Variants in OSBP2 observed in about 807,000 individuals in gnomAD.
The protein encoded by OSBP2 is oxysterol-binding protein 2.
Under a neutral mutation model 96.0 loss-of-function variants are expected in OSBP2, and 66 were observed. The observed-to-expected ratio is 0.69, with a 90% CI of 0.56 to 0.84. The LOEUF (loss-of-function observed/expected upper bound fraction) is 0.84. Among genes scored for constraint, OSBP2 ranks in the 40% least tolerant of loss-of-function variants. OSBP2 has a pLI of 0.00. For missense variants in OSBP2, 1,038 were observed against 1,222.7 expected (o/e 0.85, Z 2.25); for synonymous variants, 525 against 520.9 (o/e 1.01, Z -0.11).
chr22:30,717,557 C>T (rs1403018891), intron 1 of OSBP2, among the ~76,000 whole-genome samples: 1 of 152,194 alleles, frequency 6.6e-6, no homozygotes, highest in Non-Finnish European at 1.5e-5. Flanking sequence ...TCCCTTCTCA[C>T]ATCTCTAGGC....
chr22:30,777,913 G>GA (rs376148109), intron 2 of OSBP2, among the ~76,000 whole-genome samples: 18 of 151,888 alleles, frequency 1.2e-4, no homozygotes, highest in African/African-American at 2.9e-4. Flanking sequence ...AGGAATTGGT[G>GA]AAAAAAATGA....
chr22:30,858,445 C>G (rs542243796), intron 2 of OSBP2, among the ~76,000 whole-genome samples: 11 of 152,062 alleles, frequency 7.2e-5, no homozygotes, highest in Non-Finnish European at 1.6e-4. Context: ...CGCGCCCGGC[C>G]TCACTTTGTT....
intron 1 of OSBP2, among the ~76,000 whole-genome samples, chr22:30,717,964 G>T (rs2089490116): frequency 6.6e-6 from 1 of 152,190 alleles, no homozygotes; most frequent in African/African-American, 2.4e-5. Context: ...TAAACTCTGA[G>T]GTTAAAGCAG....
upstream of OSBP2, chr22:30,694,767 G>A: frequency 5.3e-6 from 3 of 566,860 alleles, no homozygotes; most frequent in Non-Finnish European, 6.7e-6. Flanking sequence ...GGGCGCTGAC[G>A]GGCACGGAGC....
chr22:30,888,109 G>A (rs2039856912), intron 4 of OSBP2, 114 bp from the exon 5 acceptor site: 1 of 724,992 alleles, frequency 1.4e-6, no homozygotes, highest in African/African-American at 1.7e-5. Flanking sequence ...GGTGACTGAA[G>A]CAGGAGGGGA....
intron 1 of OSBP2, among the ~76,000 whole-genome samples, chr22:30,737,315 CTT>C (rs34541516): frequency 2.1e-4 from 23 of 110,390 alleles, no homozygotes; most frequent in Admixed American, 4.0e-4. Flanking sequence ...TGCGCCCGGC[CTT>C]TTTTTTTTTT....
At chr22:30,716,613 A>G (rs1299439913) in intron 1 of OSBP2, among the ~76,000 whole-genome samples, 4 of 145,656 alleles carry the variant, frequency 2.7e-5, no homozygotes, top group Admixed American at 2.7e-4. Flanking sequence ...AATTTTTTGT[A>G]TTTTTGTAGA....
intron 2 of OSBP2, among the ~76,000 whole-genome samples, chr22:30,824,092 G>A (rs1163480398): frequency 6.6e-6 from 1 of 152,204 alleles, no homozygotes; most frequent in Non-Finnish European, 1.5e-5. Context: ...GCTTGGTTGT[G>A]GAGGAATGTC....
intron 2 of OSBP2, among the ~76,000 whole-genome samples, chr22:30,825,894 G>A (rs1184384260): frequency 1.3e-5 from 2 of 152,166 alleles, no homozygotes; most frequent in African/African-American, 4.8e-5. Flanking sequence ...TGAACTTGCA[G>A]CTGACTGGGT....
Position 30,734,403 on chromosome 22 carries a change from T to A in OSBP2, c.645-6758T>A, listed in dbSNP as rs191704598. ...AATATTGCACACCTCCATAGCCTCT[T>A]GCGGGAGAGGAGTTACCACTGCAGC... is the stretch of plus-strand genomic sequence containing the variant. On this transcript the variant is annotated intron_variant, in intron 1 of 13. Transcript: ENST00000332585. 8.2e-3 allele frequency among the ~76,000 whole-genome samples: 1,253 copies of A among 152,340 alleles called. 11 individuals carry two copies. Among genetic ancestry groups the A allele is most frequent in the Middle Eastern group, 0.02 (6 of 294 alleles).
chr22:30,694,196 C>A (rs78160826), upstream of OSBP2: 39,359 of 1,549,968 alleles, frequency 0.025, 717 homozygotes, highest in African/African-American at 0.066. Context: ...AAGTCTTCCC[C>A]TATTTGTTTA....
intron 1 of OSBP2, among the ~76,000 whole-genome samples, chr22:30,697,102 C>T (rs183464400): frequency 6.6e-6 from 1 of 152,290 alleles, no homozygotes; most frequent in East Asian, 1.9e-4. Flanking sequence ...GATACCCACT[C>T]ACCTTTGAGT....
intron 2 of OSBP2, among the ~76,000 whole-genome samples, chr22:30,804,894 A>G (rs767803055): frequency 1.3e-5 from 2 of 152,174 alleles, no homozygotes; most frequent in Non-Finnish European, 2.9e-5. Flanking sequence ...CAGGGCAACT[A>G]AGCAGTAGGA....
intron 1 of OSBP2, among the ~76,000 whole-genome samples, chr22:30,708,887 G>A (rs1403014329): frequency 6.6e-6 from 1 of 151,622 alleles, no homozygotes; most frequent in Non-Finnish European, 1.5e-5. Flanking sequence ...GATCACCTGA[G>A]GTCAGGAGTT....
At chr22:30,721,305 G>A (rs1039039451) in intron 1 of OSBP2, among the ~76,000 whole-genome samples, 31 of 152,160 alleles carry the variant, frequency 2.0e-4, no homozygotes, top group African/African-American at 4.8e-4. Context: ...ATGGGAGAAA[G>A]AAGGTCACAT....
intron 2 of OSBP2, among the ~76,000 whole-genome samples, chr22:30,815,118 C>CA (rs1331099878): frequency 3.9e-5 from 6 of 152,170 alleles, no homozygotes; most frequent in South Asian, 2.1e-4. Context: ...CCCATCTCTA[C>CA]AAAAAAATGC....
intron 2 of OSBP2, among the ~76,000 whole-genome samples, chr22:30,829,030 A>G (rs540401444): frequency 1.3e-5 from 2 of 152,156 alleles, no homozygotes; most frequent in East Asian, 1.9e-4. Flanking sequence ...GTGCCACAGC[A>G]TGCCCAGTGA....
intron 3 of OSBP2, chr22:30,872,474 C>A (rs2039479078): frequency 2.3e-6 from 1 of 428,148 alleles, no homozygotes; most frequent in Non-Finnish European, 4.7e-6. Context: ...GTTTACGAAG[C>A]CATCAGAACA....
At chr22:30,810,153 A>G (rs2090986683) in intron 2 of OSBP2, among the ~76,000 whole-genome samples, 2 of 152,108 alleles carry the variant, frequency 1.3e-5, no homozygotes, top group Non-Finnish European at 2.9e-5. Context: ...TGGGCCCATC[A>G]TGGAGTGAGA....
Sources: gnomAD v4.1 joint callset for allele counts (sites outside exome capture counted in the v4.1 genomes callset) on GRCh38, gnomAD v4.1.1 for gene constraint, MANE v1.5 for transcripts, NCBI Gene and HGNC (gene_info 2026-07-23, HGNC 2026-07-21) for gene names.